CACNA1I: variants seen among roughly 807,000 people sequenced by gnomAD.
CACNA1I encodes voltage-dependent T-type calcium channel subunit alpha-1I.
In CACNA1I, 74 loss-of-function variants were observed where a neutral mutation model predicts 201.6. That is an observed-to-expected ratio of 0.37 (90% confidence interval 0.30 to 0.45). The LOEUF (loss-of-function observed/expected upper bound fraction) is 0.45, where lower values mean the gene tolerates loss of function less well. Ranked by LOEUF, CACNA1I falls within the 20% of genes least tolerant of loss-of-function variation. The pLI, the probability that CACNA1I is intolerant of heterozygous loss-of-function variation, is 1.00. For missense variants in CACNA1I, 2,346 were observed against 3,138.1 expected, an observed-to-expected ratio of 0.75 and a Z score of 6.03; for synonymous variants, 1,431 against 1,345.2, an observed-to-expected ratio of 1.06 and a Z score of -1.40.
intron 1 of CACNA1I, among the ~76,000 whole-genome samples, chr22:39,583,182 A>G (rs1477202933): frequency 2.0e-5 from 3 of 148,196 alleles, no homozygotes; most frequent in African/African-American, 7.4e-5. Flanking sequence ...CTCTCCATCC[A>G]TCCATCTATC....
At chr22:39,622,126 G>A (rs1305013470) in intron 4 of CACNA1I, among the ~76,000 whole-genome samples, 1 of 152,150 alleles carries the variant, frequency 6.6e-6, no homozygotes, top group Admixed American at 6.5e-5. Flanking sequence ...ACTGGGAAAT[G>A]AGCCAAAAGG....
At chr22:39,618,502 G>T (rs1371042740) in intron 3 of CACNA1I, among the ~76,000 whole-genome samples, 1 of 152,110 alleles carries the variant, frequency 6.6e-6, no homozygotes, top group Non-Finnish European at 1.5e-5. Context: ...AGCGGGTGGG[G>T]GATGGATGGT....
In CACNA1I at chr22:39,665,424, ACT is replaced by A; in HGVS notation, c.3852-71_3852-70del. 2.6e-6 allele frequency: 4 copies of A among 1,567,456 alleles called. No homozygotes were observed. The highest frequency in any genetic ancestry group is 3.5e-6 in the Non-Finnish European group (4 of 1,149,430). ...TGCCCTGGGATACTCAGCCCTGGTG[ACT>A]CTGGGCTGAGTAGGGGCTGCCTCCT... On this transcript the variant is annotated intron_variant, in intron 21 of 36. Transcript: ENST00000402142. This position sits in a 1 kb window ranked among gnomAD's most constrained non-coding sequence, Gnocchi z 5.5.
At chr22:39,580,765 G>A (rs1372989535) in intron 1 of CACNA1I, among the ~76,000 whole-genome samples, 1 of 152,194 alleles carries the variant, frequency 6.6e-6, no homozygotes, top group African/African-American at 2.4e-5. Context: ...TATTAGAATG[G>A]TGACTCCCAA....
At chr22:39,616,488 G>A (rs919028525) in intron 3 of CACNA1I, among the ~76,000 whole-genome samples, 1 of 152,104 alleles carries the variant, frequency 6.6e-6, no homozygotes, top group South Asian at 2.1e-4. Flanking sequence ...TTGTCGGCTG[G>A]GCACGGTGGC....
At chr22:39,611,569 C>G (rs960806868) in intron 3 of CACNA1I, among the ~76,000 whole-genome samples, 27 of 152,322 alleles carry the variant, frequency 1.8e-4, no homozygotes, top group Non-Finnish European at 2.9e-5. Flanking sequence ...GCCATTCTCA[C>G]CTGCCGTGCT....
chr22:39,664,614 G>A, intron 20 of CACNA1I, 125 bp from the exon 21 acceptor site: 1 of 518,380 alleles, frequency 1.9e-6, no homozygotes, highest in South Asian at 1.9e-5. Flanking sequence ...GCCACTTGCA[G>A]GACCCCGCCC....
Position 39,664,723 on chromosome 22 carries a change from C to A in CACNA1I, c.3667-16C>A. Reference sequence around the variant, plus strand: ...CCTCCCGCGGCAGCCTGACCCCGGCCCCACCCCCGCCCCAGGTAGTCTCGC... The same window carrying A: ...CCTCCCGCGGCAGCCTGACCCCGGCACCACCCCCGCCCCAGGTAGTCTCGC... On this transcript the variant is annotated splice_polypyrimidine_tract_variant and intron_variant, in intron 20 of 36. Transcript: ENST00000402142. 1.4e-6 allele frequency: 2 copies of A among 1,392,546 alleles called. No individual in the cohort carries two copies. The highest frequency in any genetic ancestry group is 2.0e-6 in the Non-Finnish European group (2 of 1,007,498). The allele number at this position is 1,392,546 out of a possible 1,614,324, so 86.3% of individuals were successfully genotyped here.
intron 1 of CACNA1I, among the ~76,000 whole-genome samples, chr22:39,584,474 G>A (rs1932678371): frequency 6.6e-6 from 1 of 152,198 alleles, no homozygotes; most frequent in South Asian, 2.1e-4. Flanking sequence ...GGTTCCTGGG[G>A]CTGGGACAGA....
chr22:39,640,479 A>C (rs1056278981), intron 5 of CACNA1I, among the ~76,000 whole-genome samples: 4 of 152,174 alleles, frequency 2.6e-5, no homozygotes, highest in Non-Finnish European at 1.5e-5. Flanking sequence ...TGGAGGATCT[A>C]CCTGTCATCT....
chr22:39,604,072 G>A (rs1933141124), intron 3 of CACNA1I, among the ~76,000 whole-genome samples: 1 of 152,134 alleles, frequency 6.6e-6, no homozygotes. Context: ...GCGAGAAATA[G>A]TGCCCTCCTT....
At chr22:39,630,074 C>T (rs531829850) in intron 4 of CACNA1I, among the ~76,000 whole-genome samples, 6 of 152,270 alleles carry the variant, frequency 3.9e-5, no homozygotes, top group African/African-American at 7.2e-5. Flanking sequence ...GACTCCCTCC[C>T]GCCTCTAGGC....
chr22:39,598,101 G>A (rs189165445), intron 1 of CACNA1I, 50 bp from the exon 2 acceptor site: 1 of 1,161,192 alleles, frequency 8.6e-7, no homozygotes, highest in Non-Finnish European at 1.3e-6. Context: ...GTGCACCCCA[G>A]CCCCCACGGG....
chr22:39,663,235 A>AG (rs1257814071), intron 18 of CACNA1I, among the ~76,000 whole-genome samples: 2 of 152,214 alleles, frequency 1.3e-5, no homozygotes, highest in African/African-American at 4.8e-5. Context: ...GCTGGGCACC[A>AG]GGTTGAACCA....
intron 4 of CACNA1I, among the ~76,000 whole-genome samples, chr22:39,622,907 A>G (rs1933789077): frequency 6.6e-6 from 1 of 152,166 alleles, no homozygotes; most frequent in South Asian, 2.1e-4. Context: ...GGCAGCTGCC[A>G]TGGGACCATG....
chr22:39,679,192 T>G lies in CACNA1I; in HGVS notation c.5141T>G (p.Val1714Gly). The change falls in exon 32 of 37, where the codon GTG (valine) becomes GGG (glycine). Residue 1714 changes from valine to glycine, a missense_variant. This residue lies in a region of CACNA1I where 64 missense variants were observed against 131.8 expected (regional missense o/e 0.49). Coordinates refer to ENST00000402142, the MANE Select transcript of CACNA1I (RefSeq NM_021096.4). ...FVSPLYFVSF[V>G]LTAQFVLINV... ...TCGCCGCTGTACTTCGTGAGCTTCG[T>G]GCTCACCGCGCAGTTCGTGCTCATC... 6.3e-7 allele frequency: 1 copy of G among 1,591,844 alleles called. No homozygotes were observed. Among genetic ancestry groups the G allele is most frequent in the Non-Finnish European group, 8.5e-7 (1 of 1,170,222 alleles).
At position 39,649,381 on chromosome 22, in the gene CACNA1I, G is replaced by A. The variant is rs908478364; in HGVS notation, c.1568-120G>A. 9.5e-7 allele frequency: 1 copy of A among 1,047,610 alleles called. No homozygotes were observed. The highest frequency in any genetic ancestry group is 1.3e-6 in the Non-Finnish European group (1 of 750,296). 64.9% of individuals were successfully genotyped at this position (1,047,610 alleles called of 1,614,324 possible). On this transcript the variant is annotated intron_variant, in intron 9 of 36. Coordinates refer to ENST00000402142, the MANE Select transcript of CACNA1I (RefSeq NM_021096.4). The surrounding 1 kb of genome is among the most constrained non-coding windows in gnomAD (Gnocchi z 7.3). ...CACCCCTGACCGCCTTTCCAGGCTGGGTCGGCTGGTTCCAGGCAGACCTGT... is the reference window on the plus strand; with the variant it reads ...CACCCCTGACCGCCTTTCCAGGCTGAGTCGGCTGGTTCCAGGCAGACCTGT...
Position 39,664,167 on chromosome 22 carries a change from C to T in CACNA1I, c.3666+8C>T, listed in dbSNP as rs779921272. The T allele has an allele frequency of 6.2e-7, 1 of 1,610,210 alleles. No individual in the cohort carries two copies. The highest frequency in any genetic ancestry group is 8.5e-7 in the Non-Finnish European group (1 of 1,177,970). On this transcript the variant is annotated splice_region_variant and intron_variant, in intron 20 of 36. Coordinates refer to ENST00000402142, the MANE Select transcript of CACNA1I (RefSeq NM_021096.4). ...GGCGAGATGACATTGAAGGTAGCTC[C>T]CGGTTTCACCCGGGACCCCTGCTAG...
chr22:39,682,380 G>T, intron 34 of CACNA1I, 116 bp from the exon 35 acceptor site: 1 of 810,314 alleles, frequency 1.2e-6, no homozygotes, highest in South Asian at 1.7e-5. Flanking sequence ...AGGAAGGTCA[G>T]ACTAGACATG....
Sources: gnomAD v4.1 joint callset for allele counts (sites outside exome capture counted in the v4.1 genomes callset) on GRCh38, gnomAD v4.1.1 for gene constraint, gnomAD v4.1.1 regional missense constraint, Gnocchi (gnomAD v3.1) non-coding constraint, MANE v1.5 for transcripts, NCBI Gene and HGNC (gene_info 2026-07-23, HGNC 2026-07-21) for gene names.